The following ELP4 variants were observed in gnomAD, a reference collection of about 807,000 sequenced individuals.
ELP4 encodes elongator acetyltransferase complex subunit 4, also known as elongator complex protein 4.
A neutral mutation model predicts 48.9 loss-of-function variants in ELP4; 51 were observed. That is an observed-to-expected ratio of 1.04 (90% CI 0.83 to 1.32). The LOEUF (loss-of-function observed/expected upper bound fraction) is 1.32, where lower values mean the gene tolerates loss of function less well. Ranked by LOEUF, ELP4 falls within the 40% of genes most tolerant of loss-of-function variation. The pLI is 0.00. For missense variants in ELP4, 519 were observed against 514.6 expected, an observed-to-expected ratio of 1.01 and a Z score of -0.08; for synonymous variants, 210 against 189.2, an observed-to-expected ratio of 1.11 and a Z score of -0.90.
chr11:31,724,525 G>T (rs1399382133), intron 9 of ELP4, among the ~76,000 whole-genome samples: 1 of 152,206 alleles, frequency 6.6e-6, no homozygotes, highest in Non-Finnish European at 1.5e-5. Flanking sequence ...CTTGACTCCA[G>T]TGCCTTCAAA....
At chr11:31,707,926 C>A (rs1286648113) in intron 9 of ELP4, among the ~76,000 whole-genome samples, 1 of 152,118 alleles carries the variant, frequency 6.6e-6, no homozygotes, top group East Asian at 1.9e-4. Flanking sequence ...CAATCATTTC[C>A]CCATTTCAGG....
At chr11:31,733,885 T>A (rs1429652749) in intron 9 of ELP4, among the ~76,000 whole-genome samples, 3 of 152,146 alleles carry the variant, frequency 2.0e-5, no homozygotes, top group Non-Finnish European at 2.9e-5. Flanking sequence ...ATTACTCTGA[T>A]AGGAAAGCCA....
chr11:31,662,378 A>C (rs1189967684), intron 9 of ELP4: 3 of 391,132 alleles, frequency 7.7e-6, no homozygotes, highest in African/African-American at 6.2e-5. Context: ...ATATTAAAGC[A>C]ACTATGCCCC....
At chr11:31,710,718 C>T (rs1218463170) in intron 9 of ELP4, among the ~76,000 whole-genome samples, 1 of 151,806 alleles carries the variant, frequency 6.6e-6, no homozygotes, top group Non-Finnish European at 1.5e-5. Flanking sequence ...AGTTCATTGG[C>T]ATAAATGGAC....
chr11:31,688,087 G>C (rs1189836782), intron 9 of ELP4, among the ~76,000 whole-genome samples: 1 of 152,150 alleles, frequency 6.6e-6, no homozygotes, highest in Non-Finnish European at 1.5e-5. Flanking sequence ...TGGAGCAAGA[G>C]GTTATTTATG....
At chr11:31,549,512 A>G (rs1240869055) in intron 3 of ELP4, among the ~76,000 whole-genome samples, 5 of 151,838 alleles carry the variant, frequency 3.3e-5, no homozygotes, top group East Asian at 1.9e-4. Flanking sequence ...GATGTGGAGA[A>G]ATAGGAACAC....
intron 9 of ELP4, among the ~76,000 whole-genome samples, chr11:31,757,301 A>C (rs1171388062): frequency 6.6e-6 from 1 of 152,216 alleles, no homozygotes; most frequent in Non-Finnish European, 1.5e-5. Context: ...AAGCAGGGGA[A>C]GTATAAAGTT....
At position 31,603,908 on chromosome 11, in the gene ELP4, G is replaced by T. The variant is rs2134002898; in HGVS notation, c.653+1G>T. The T allele has an allele frequency of 6.2e-7, 1 of 1,609,438 alleles. No individual in the cohort carries two copies. The highest frequency in any genetic ancestry group is 8.5e-7 in the Non-Finnish European group (1 of 1,177,204). ...CTTCAACTCTCAAAGTAGAACCCTG[G>T]TAAGTTAATGACCCATTTAATAACA... On this transcript the variant is annotated splice_donor_variant, in intron 5 of 9. Transcript: ENST00000640961. LOFTEE classifies it high-confidence loss of function.
At chr11:31,528,534 G>T (rs192921651) in intron 2 of ELP4, among the ~76,000 whole-genome samples, 6 of 152,082 alleles carry the variant, frequency 3.9e-5, no homozygotes, top group Admixed American at 3.9e-4. Context: ...TGTTTAACGG[G>T]TTATGCTTAG....
intron 9 of ELP4, among the ~76,000 whole-genome samples, chr11:31,695,170 A>C (rs1216975665): frequency 2.6e-5 from 4 of 151,942 alleles, no homozygotes; most frequent in Admixed American, 2.6e-4. Context: ...CCTGATTGTC[A>C]TGGCCAGAAC....
intron 9 of ELP4, among the ~76,000 whole-genome samples, chr11:31,752,066 A>G (rs1947733307): frequency 6.6e-6 from 1 of 152,250 alleles, no homozygotes; most frequent in Admixed American, 6.5e-5. Context: ...AATACGGGAA[A>G]AGGAAACTGT....
rs12575676 is a variant in ELP4 at position 31,607,108 on chromosome 11, G to A, written c.653+3201G>A. On this transcript the variant is annotated intron_variant, in intron 5 of 9. Transcript: ENST00000640961. ...GAAAGGCCATGTGAGCACACAGCAA[G>A]AAGGCTGCTATCTGCAACCTAAGGG... 1.4e-3 allele frequency among the ~76,000 whole-genome samples: 216 copies of A among 152,280 alleles called. 5 individuals are homozygous for A. In the East Asian group the frequency reaches 0.035, roughly 25 times the overall value.
intron 3 of ELP4, among the ~76,000 whole-genome samples, chr11:31,553,495 A>G (rs1251819125): frequency 6.6e-6 from 1 of 152,098 alleles, no homozygotes; most frequent in Non-Finnish European, 1.5e-5. Flanking sequence ...TTTTCCTGCC[A>G]TATGACTCCT....
At chr11:31,564,060 G>T (rs1312755204) in intron 3 of ELP4, among the ~76,000 whole-genome samples, 1 of 152,096 alleles carries the variant, frequency 6.6e-6, no homozygotes, top group Non-Finnish European at 1.5e-5. Flanking sequence ...GTAACAAATG[G>T]TATAGATTAT....
chr11:31,544,955 A>G (rs1214655027), intron 3 of ELP4, among the ~76,000 whole-genome samples: 1 of 152,172 alleles, frequency 6.6e-6, no homozygotes, highest in African/African-American at 2.4e-5. Context: ...GTCTGTTAGA[A>G]GGAAAACTAA....
At chr11:31,573,369 C>G (rs1271588983) in intron 3 of ELP4, among the ~76,000 whole-genome samples, 1 of 152,180 alleles carries the variant, frequency 6.6e-6, no homozygotes, top group Non-Finnish European at 1.5e-5. Flanking sequence ...CACCCTACTT[C>G]TCGGTATCAA....
At chr11:31,606,252 A>G (rs1202272494) in intron 5 of ELP4, among the ~76,000 whole-genome samples, 2 of 152,102 alleles carry the variant, frequency 1.3e-5, no homozygotes, top group South Asian at 2.1e-4. Context: ...CAAAATGGGT[A>G]CTTTACCATG....
intron 7 of ELP4, among the ~76,000 whole-genome samples, chr11:31,643,166 C>T (rs146046226): frequency 8.2e-4 from 125 of 151,870 alleles, no homozygotes; most frequent in African/African-American, 2.9e-3. Context: ...TATGGTCAAA[C>T]GTAAAGTAAC....
intron 5 of ELP4, among the ~76,000 whole-genome samples, chr11:31,613,911 A>G (rs1418887285): frequency 6.6e-6 from 1 of 151,808 alleles, no homozygotes; most frequent in Non-Finnish European, 1.5e-5. Context: ...GGGTTTCACC[A>G]TGTTGGCCAG....
Sources: gnomAD v4.1 joint callset for allele counts (sites outside exome capture counted in the v4.1 genomes callset) on GRCh38, gnomAD v4.1.1 for gene constraint, MANE v1.5 for transcripts, NCBI Gene and HGNC (gene_info 2026-07-23, HGNC 2026-07-21) for gene names.